TJP1: variants seen among roughly 807,000 people sequenced by gnomAD.
TJP1 encodes the protein tight junction protein ZO-1.
Under a neutral mutation model 194.2 loss-of-function variants are expected in TJP1, and 43 were observed. That is an observed-to-expected ratio of 0.22 (90% CI 0.17 to 0.29). TJP1 has a LOEUF of 0.29. TJP1 is among the 10% of genes least tolerant of loss of function. TJP1 has a pLI of 1.00. For missense variants in TJP1, 1,971 were observed against 2,185.7 expected, an observed-to-expected ratio of 0.90 and a Z score of 1.96; for synonymous variants, 801 against 779.0, an observed-to-expected ratio of 1.03 and a Z score of -0.47.
At chr15:29,709,099 G>T in intron 24 of TJP1, 63 bp from the exon 25 acceptor site, 1 of 1,474,918 alleles carries the variant, frequency 6.8e-7, no homozygotes. Flanking sequence ...CCCTGTCCCA[G>T]CTTAACTTGT....
At chr15:29,789,948 G>A (rs1210246427) in intron 2 of TJP1, among the ~76,000 whole-genome samples, 1 of 152,082 alleles carries the variant, frequency 6.6e-6, no homozygotes, top group Admixed American at 6.6e-5. Flanking sequence ...ACGTGTTAGG[G>A]ATCCCAGCCC....
chr15:29,714,763 G>C (rs936156179), intron 23 of TJP1, among the ~76,000 whole-genome samples: 5 of 151,210 alleles, frequency 3.3e-5, no homozygotes, highest in African/African-American at 9.7e-5. Context: ...GGATGGTCTC[G>C]ATCTCCTGAC....
intron 2 of TJP1, among the ~76,000 whole-genome samples, chr15:29,927,237 T>C (rs1299251360): frequency 6.6e-6 from 1 of 152,038 alleles, no homozygotes; most frequent in African/African-American, 2.4e-5. Context: ...GGAGAATCGT[T>C]TGAACCTGGG....
intron 1 of TJP1, among the ~76,000 whole-genome samples, chr15:29,805,097 T>G (rs747785671): frequency 1.3e-5 from 2 of 152,238 alleles, no homozygotes; most frequent in Admixed American, 1.3e-4. Flanking sequence ...CAAAAGTGAC[T>G]GCAATTCATG....
intron 2 of TJP1, among the ~76,000 whole-genome samples, chr15:29,907,135 T>A (rs957503022): frequency 1.3e-5 from 2 of 151,892 alleles, no homozygotes; most frequent in African/African-American, 4.8e-5. Flanking sequence ...AAAGGCCAGG[T>A]ACGGTGGCTC....
intron 2 of TJP1, among the ~76,000 whole-genome samples, chr15:29,783,673 T>C (rs984129087): frequency 6.6e-6 from 1 of 152,160 alleles, no homozygotes; most frequent in South Asian, 2.1e-4. Flanking sequence ...ACGGGTGGAA[T>C]GGGAGGCCAT....
chr15:29,796,931 T>C (rs1253725638), intron 2 of TJP1, among the ~76,000 whole-genome samples: 2 of 147,506 alleles, frequency 1.4e-5, no homozygotes, highest in Non-Finnish European at 3.0e-5. Context: ...TCAAACAAAA[T>C]GCTTCTTCAA....
intron 2 of TJP1, among the ~76,000 whole-genome samples, chr15:29,915,108 A>C (rs2054144993): frequency 6.6e-6 from 1 of 152,196 alleles, no homozygotes; most frequent in African/African-American, 2.4e-5. Flanking sequence ...AAAAGGAGGA[A>C]GGAAAATTGT....
rs1336629613 is a variant in TJP1, at chr15:29,795,346, C to T, written c.84+5300G>A. Among the ~76,000 whole-genome samples, 5 of 150,662 alleles carry T rather than the reference C, an allele frequency of 3.3e-5. No individual in the cohort carries two copies. The East Asian group carries it at 5.8e-4, about 18-fold the overall frequency. On this transcript the variant is annotated intron_variant, in intron 2 of 27. Transcript: ENST00000614355. ...GCTGAGGCAGGAGAATCGCTTCAACCGCAGAGGTTGCAGTGAGCCATGATG... is the reference window on the plus strand; with the variant it reads ...GCTGAGGCAGGAGAATCGCTTCAACTGCAGAGGTTGCAGTGAGCCATGATG...
At chr15:29,806,577 T>C (rs2049123025) in intron 1 of TJP1, among the ~76,000 whole-genome samples, 1 of 152,180 alleles carries the variant, frequency 6.6e-6, no homozygotes, top group Non-Finnish European at 1.5e-5. Flanking sequence ...TCTCATTCCT[T>C]CTGAACTCCA....
intron 7 of TJP1, 59 bp from the exon 8 acceptor site, chr15:29,761,345 G>T: frequency 1.9e-6 from 3 of 1,579,936 alleles, no homozygotes; most frequent in East Asian, 2.2e-5. Context: ...CAAGTATAAG[G>T]TACTCCAGTA....
At chr15:29,968,524 G>A in intron 1 of TJP1, 1 of 801,284 alleles carries the variant, frequency 1.2e-6, no homozygotes, top group Non-Finnish European at 1.5e-6. Flanking sequence ...CCCGCGCGGC[G>A]CGCCCCGCGT....
intron 1 of TJP1, among the ~76,000 whole-genome samples, chr15:29,802,375 T>C (rs1250708378): frequency 6.6e-6 from 1 of 152,128 alleles, no homozygotes; most frequent in African/African-American, 2.4e-5. Flanking sequence ...AGTAAGTCCC[T>C]ATAAAGAAAG....
At chr15:29,887,399 A>G (rs2053154903) in intron 2 of TJP1, among the ~76,000 whole-genome samples, 1 of 151,792 alleles carries the variant, frequency 6.6e-6, no homozygotes, top group Admixed American at 6.6e-5. Flanking sequence ...TCCCAGGTTC[A>G]AGTGATTCTC....
At position 29,781,252 on chromosome 15, in the gene TJP1, A is replaced by AC. The variant is rs967400671; in HGVS notation, c.85-7896dup. The stretch of plus-strand genomic sequence containing the variant: ...AACTGATAAATTCCTGGACAAACCC[A>AC]CCCTCCCAAGACTGAACCAGGAGAA... On this transcript the variant is annotated intron_variant, in intron 2 of 27. Transcript: ENST00000614355. Among the ~76,000 whole-genome samples the AC allele has an allele frequency of 1.2e-4, 18 of 152,072 alleles. No individual in the cohort carries two copies. The East Asian group carries it at 3.3e-3, about 28-fold the overall frequency.
intron 2 of TJP1, among the ~76,000 whole-genome samples, chr15:29,777,992 GT>G (rs2047122708): frequency 6.6e-6 from 1 of 151,872 alleles, no homozygotes; most frequent in African/African-American, 2.4e-5. Flanking sequence ...TTGTTTGGTA[GT>G]TATTTTATTT....
At chr15:29,768,345 T>C (rs952627703) in intron 4 of TJP1, among the ~76,000 whole-genome samples, 1 of 152,242 alleles carries the variant, frequency 6.6e-6, no homozygotes, top group Admixed American at 6.5e-5. Flanking sequence ...ATATTTTCTG[T>C]AAAGCATTCC....
At chr15:29,879,910 C>T (rs115371533) in intron 2 of TJP1, among the ~76,000 whole-genome samples, 1,758 of 152,176 alleles carry the variant, frequency 0.012, 39 homozygotes, top group African/African-American at 0.04. Context: ...TGAGGTTTCA[C>T]CACGTCAGCC....
intron 18 of TJP1, among the ~76,000 whole-genome samples, chr15:29,722,711 GCATGCAC>G (rs1241115106): frequency 1.3e-5 from 2 of 152,152 alleles, no homozygotes; most frequent in African/African-American, 4.8e-5. Flanking sequence ...TCCACCAACA[GCATGCAC>G]CATGCACCTG....
Sources: allele counts gnomAD v4.1 joint callset (sites outside exome capture counted in the v4.1 genomes callset), GRCh38; gene constraint gnomAD v4.1.1; transcripts MANE v1.5; gene names NCBI Gene and HGNC (gene_info 2026-07-23, HGNC 2026-07-21).